NFKBIZ: variants seen among roughly 807,000 people sequenced by gnomAD.
NFKBIZ encodes NF-kappa-B inhibitor zeta.
NFKBIZ carries 19 observed loss-of-function variants against 76.8 expected under a neutral mutation model. The observed-to-expected ratio is 0.25, with a 90% confidence interval of 0.17 to 0.36. The LOEUF (loss-of-function observed/expected upper bound fraction) is 0.36, where lower values mean the gene tolerates loss of function less well. Ranked by LOEUF, NFKBIZ falls within the 10% of genes least tolerant of loss-of-function variation. The pLI, the probability that NFKBIZ is intolerant of heterozygous loss-of-function variation, is 1.00. For synonymous variants in NFKBIZ, 368 were observed against 354.8 expected, an observed-to-expected ratio of 1.04 and a Z score of -0.42; for missense variants, 829 against 910.9, an observed-to-expected ratio of 0.91 and a Z score of 1.16.
Position 101,853,395 on chromosome 3 carries a change from C to T in NFKBIZ, c.869C>T (p.Ser290Phe), listed in dbSNP as rs774349082. 2 of 1,614,158 alleles carry T rather than the reference C, an allele frequency of 1.2e-6. No individual in the cohort carries two copies. Among genetic ancestry groups the T allele is most frequent in the South Asian group, 1.1e-5 (1 of 91,080 alleles). Residue 290 changes from serine to phenylalanine, a missense_variant, in exon 5 of 12, where the codon TCT (serine) becomes TTT (phenylalanine). Transcript: ENST00000326172. ...GACCAGGCTTCCCTGTACCAGTATT[C>T]TCCACAGAACCAGCATGTAGAGCAG... ...MIDQASLYQY[S>F]PQNQHVEQQP...
In NFKBIZ at chr3:101,841,004, A is replaced by G. The variant is rs149465579; in HGVS notation, c.-11-11081A>G. 1.1e-3 allele frequency among the ~76,000 whole-genome samples: 165 copies of G among 152,336 alleles called. 1 individual carries two copies. Among genetic ancestry groups the G allele is most frequent in the African/African-American group, 3.8e-3 (158 of 41,564 alleles). ...CATAATATGCAAAGTTGTACATACT[A>G]TACATACAGTACTTAACGGGGTATC... On this transcript the variant is annotated intron_variant, in intron 2 of 12. Transcript: ENST00000394054.
chr3:101,854,552 C>T (rs745465672), intron 5 of NFKBIZ, 26 bp from the exon 6 acceptor site: 32 of 1,428,440 alleles, frequency 2.2e-5, no homozygotes, highest in Non-Finnish European at 3.0e-5. Context: ...AAGTGATTCA[C>T]CCGCTTTCCT....
In NFKBIZ at chr3:101,831,240, A is replaced by T. The variant is rs74646848; in HGVS notation, c.-12+1552A>T. ...GCAAAAATAGGTTCTTCAGGGAAAA[A>T]TCTTAGCTATTACAATAGTTTGTGG... On this transcript the variant is annotated intron_variant, in intron 2 of 12. Coordinates refer to the NFKBIZ transcript ENST00000394054. Among the ~76,000 whole-genome samples the T allele has an allele frequency of 2.0e-5, 3 of 152,296 alleles. No individual in the cohort carries two copies. In the East Asian group the frequency reaches 5.8e-4, roughly 29 times the overall value.
Position 101,853,389 on chromosome 3 carries a change from A to G in NFKBIZ, c.863A>G (p.Gln288Arg), listed in dbSNP as rs768773640. Residue 288 changes from glutamine to arginine, a missense_variant, in exon 5 of 12, where the codon CAG becomes CGG. Around this residue, in one of 4 missense-constraint regions of NFKBIZ, gnomAD observed 371 missense variants for 332.3 expected, o/e 1.12. Coordinates refer to ENST00000326172, the MANE Select transcript of NFKBIZ (RefSeq NM_031419.4). Reference protein sequence around the residue: ...QQMIDQASLYQYSPQNQHVEQ... With the variant: ...QQMIDQASLYRYSPQNQHVEQ... Reference sequence around the variant, plus strand: ...ATGATAGACCAGGCTTCCCTGTACCAGTATTCTCCACAGAACCAGCATGTA... The same window carrying G: ...ATGATAGACCAGGCTTCCCTGTACCGGTATTCTCCACAGAACCAGCATGTA... The G allele has an allele frequency of 1.2e-6, 2 of 1,614,060 alleles. No individual in the cohort carries two copies. Among genetic ancestry groups the G allele is most frequent in the African/African-American group, 1.3e-5 (1 of 74,920 alleles).
At chr3:101,850,892 C>T (rs1281373965) in intron 1 of NFKBIZ, among the ~76,000 whole-genome samples, 1 of 152,248 alleles carries the variant, frequency 6.6e-6, no homozygotes, top group Non-Finnish European at 1.5e-5. Context: ...ACCCACTTGG[C>T]CTTCATCTGG....
Position 101,849,516 on chromosome 3 carries a change from A to G in NFKBIZ, c.-113A>G. On this transcript the variant is annotated 5_prime_UTR_variant, in exon 1 of 12. Transcript: ENST00000326172. ...CCTGGCAGTCCCGCGCCGCGCCCGT[A>G]CTGGCCCGCGCCGTCCGCCCGCCGA... The G allele has an allele frequency of 1.1e-6, 1 of 919,914 alleles. No individual in the cohort carries two copies. 57.0% of individuals were successfully genotyped at this position (919,914 alleles called of 1,614,324 possible).
chr3:101,836,369 C>T (rs963529365), intron 2 of NFKBIZ, among the ~76,000 whole-genome samples: 6 of 152,208 alleles, frequency 3.9e-5, no homozygotes, highest in African/African-American at 7.2e-5. Flanking sequence ...GAACTCTCTA[C>T]GTAAAATAAC....
intron 2 of NFKBIZ, among the ~76,000 whole-genome samples, chr3:101,844,406 T>TACTA (rs1466274711): frequency 2.0e-5 from 3 of 152,228 alleles, no homozygotes; most frequent in Non-Finnish European, 4.4e-5. Context: ...ATACAATGAT[T>TACTA]ACTAGTTCAT....
Position 101,859,299 on chromosome 3 carries a change from T to G in NFKBIZ, c.2104-19T>G, listed in dbSNP as rs1228873932. The stretch of plus-strand genomic sequence containing the variant: ...CCATAAGAAATAAACCTCACAAATT[T>G]TATTTGTTTCTCTTCCAGATCCGAC... On this transcript the variant is annotated intron_variant, in intron 11 of 11. Coordinates refer to ENST00000326172, the MANE Select transcript of NFKBIZ (RefSeq NM_031419.4). The G allele has an allele frequency of 1.9e-6, 3 of 1,610,388 alleles. No individual in the cohort carries two copies. The highest frequency in any genetic ancestry group is 2.2e-5 in the East Asian group (1 of 44,800).
upstream of NFKBIZ, among the ~76,000 whole-genome samples, chr3:101,848,373 T>C (rs917563589): frequency 2.6e-5 from 4 of 152,210 alleles, no homozygotes; most frequent in South Asian, 4.1e-4. Context: ...TTTCTGTAAA[T>C]GCTGTGGGCC....
intron 9 of NFKBIZ, 152 bp downstream of exon 9, chr3:101,856,054 A>ATTT: frequency 4.2e-5 from 20 of 477,766 alleles, no homozygotes; most frequent in Non-Finnish European, 4.7e-5. Flanking sequence ...GAAGCCCAGA[A>ATTT]TTTTTTTTTT....
chr3:101,829,168 G>A (rs1418001129), intron 1 of NFKBIZ, among the ~76,000 whole-genome samples: 2 of 152,130 alleles, frequency 1.3e-5, no homozygotes, highest in Non-Finnish European at 2.9e-5. Context: ...CCTCTCCACC[G>A]TCTTTCTAAC....
rs762154076 is a variant in NFKBIZ, at chr3:101,859,611, A to G, written c.*240A>G. The G allele has an allele frequency of 1.2e-5, 4 of 332,474 alleles. No homozygotes were observed. Among genetic ancestry groups the G allele is most frequent in the Non-Finnish European group, 2.3e-5 (4 of 177,772 alleles). 20.6% of individuals were successfully genotyped at this position (332,474 alleles called of 1,614,324 possible). On this transcript the variant is annotated 3_prime_UTR_variant, in exon 12 of 12. Coordinates refer to ENST00000326172, the MANE Select transcript of NFKBIZ (RefSeq NM_031419.4). Reference sequence around the variant, plus strand: ...TCTGGGATCTAGACATCTGAATTTGATCTCAATGGTAACATTGCCTTCAAT... The same window carrying G: ...TCTGGGATCTAGACATCTGAATTTGGTCTCAATGGTAACATTGCCTTCAAT...
chr3:101,848,102 C>T (rs1206838923), upstream of NFKBIZ, among the ~76,000 whole-genome samples: 1 of 152,212 alleles, frequency 6.6e-6, no homozygotes, highest in East Asian at 1.9e-4. Context: ...TCATTTCTCT[C>T]CTGGGCTACT....
In NFKBIZ at chr3:101,853,659, C is replaced by T; in HGVS notation, c.1133C>T (p.Pro378Leu). ...CACTTGCACAGCTTCAGCATGATGC[C>T]CAGCAGCGCCTGTGAGGCCATGGTG... Reference protein sequence around the residue: ...DAHLHSFSMMPSSACEAMVGH... With the variant: ...DAHLHSFSMMLSSACEAMVGH... Residue 378 changes from proline (P) to leucine (L), a missense_variant, in exon 5 of 12, where the codon CCC becomes CTC. Pro to Leu is a moderately conservative substitution (Grantham distance 98). This residue lies in a region of NFKBIZ where 371 missense variants were observed against 332.3 expected (regional missense o/e 1.12). Transcript: ENST00000326172. 1 of 1,614,230 alleles carries T rather than the reference C, an allele frequency of 6.2e-7. No homozygotes were observed. Among genetic ancestry groups the T allele is most frequent in the Non-Finnish European group, 8.5e-7 (1 of 1,180,046 alleles).
chr3:101,854,689 G>T lies in NFKBIZ; in HGVS notation c.1443+6G>T. On this transcript the variant is annotated splice_donor_region_variant and intron_variant, in intron 6 of 11. Coordinates refer to ENST00000326172, the MANE Select transcript of NFKBIZ (RefSeq NM_031419.4). ...TTAAAGAGCACAATGGACAGGTGAG[G>T]ACCTTGACAGAGTCTGAAATGGCAA... 1 of 1,599,474 alleles carries T rather than the reference G, an allele frequency of 6.3e-7. No individual in the cohort carries two copies. The highest frequency in any genetic ancestry group is 8.6e-7 in the Non-Finnish European group (1 of 1,167,384).
At chr3:101,849,509 C>CGCCCGTACTG, upstream of NFKBIZ, 1 of 863,870 alleles carries the variant, frequency 1.2e-6, no homozygotes, top group Non-Finnish European at 1.5e-6. Context: ...TCCCGCGCCG[C>CGCCCGTACTG]GCCCGTACTG....
intron 1 of NFKBIZ, among the ~76,000 whole-genome samples, chr3:101,851,083 A>G (rs982033366): frequency 6.6e-6 from 1 of 152,186 alleles, no homozygotes; most frequent in Non-Finnish European, 1.5e-5. Context: ...AAGCCAACTA[A>G]TGTTTCACTT....
chr3:101,855,028 T>A, intron 6 of NFKBIZ, 34 bp from the exon 7 acceptor site: 1 of 1,560,304 alleles, frequency 6.4e-7, no homozygotes, highest in Non-Finnish European at 8.6e-7. Context: ...ACATTGTATG[T>A]TTAAAATATC....
Sources: allele counts gnomAD v4.1 joint callset (sites outside exome capture counted in the v4.1 genomes callset), GRCh38; gene constraint gnomAD v4.1.1; regional missense constraint gnomAD v4.1.1; transcripts MANE v1.5; gene names NCBI Gene and HGNC (gene_info 2026-07-23, HGNC 2026-07-21).